The following INTS9 variants were observed in gnomAD, a reference collection of about 807,000 sequenced individuals.
INTS9 encodes integrator complex subunit 9.
Under a neutral mutation model 79.7 loss-of-function variants are expected in INTS9, and 55 were observed. That is an observed-to-expected ratio of 0.69 (90% confidence interval 0.56 to 0.86). The LOEUF (loss-of-function observed/expected upper bound fraction) is 0.86. Ranked by LOEUF, INTS9 falls within the 40% of genes least tolerant of loss-of-function variation. The pLI is 0.00. For synonymous variants in INTS9, 319 were observed against 325.2 expected, an observed-to-expected ratio of 0.98 and a Z score of 0.20; for missense variants, 721 against 831.5, an observed-to-expected ratio of 0.87 and a Z score of 1.64.
At chr8:28,795,975 A>C (rs1181023397) in intron 9 of INTS9, among the ~76,000 whole-genome samples, 1 of 152,220 alleles carries the variant, frequency 6.6e-6, no homozygotes, top group East Asian at 1.9e-4. Flanking sequence ...TTTCCTCAAA[A>C]GAAGAAAAAA....
chr8:28,837,483 C>G (rs1806870536), intron 5 of INTS9, among the ~76,000 whole-genome samples, 154 bp downstream of exon 5: 1 of 152,200 alleles, frequency 6.6e-6, no homozygotes, highest in South Asian at 2.1e-4. Context: ...AATGAACATT[C>G]CTCATCTAGA....
intron 4 of INTS9, among the ~76,000 whole-genome samples, chr8:28,844,559 G>A (rs569056190): frequency 6.6e-6 from 1 of 151,680 alleles, no homozygotes; most frequent in South Asian, 2.1e-4. Flanking sequence ...GGCGTGGTGG[G>A]TCACGCCTGT....
intron 6 of INTS9, among the ~76,000 whole-genome samples, chr8:28,823,959 A>C (rs1161196821): frequency 6.6e-6 from 1 of 152,226 alleles, no homozygotes; most frequent in Non-Finnish European, 1.5e-5. Context: ...CATTTTCATT[A>C]CCTTCTACAT....
At chr8:28,775,416 A>C (rs1205676803) in intron 14 of INTS9, among the ~76,000 whole-genome samples, 1 of 151,182 alleles carries the variant, frequency 6.6e-6, no homozygotes, top group Non-Finnish European at 1.5e-5. Flanking sequence ...GGCTCACTGC[A>C]ACCTCCACCT....
At chr8:28,876,177 G>A (rs748061871) in intron 1 of INTS9, among the ~76,000 whole-genome samples, 1 of 152,064 alleles carries the variant, frequency 6.6e-6, no homozygotes, top group Non-Finnish European at 1.5e-5. Context: ...ACTATTTCTG[G>A]CTGTTCTGTT....
intron 5 of INTS9, 56 bp from the exon 6 acceptor site, chr8:28,835,434 C>A: frequency 1.6e-6 from 2 of 1,255,084 alleles, no homozygotes; most frequent in Admixed American, 1.8e-5. Context: ...AGAAACACCC[C>A]ATACTCTAAC....
At chr8:28,849,937 T>C in intron 3 of INTS9, 1 of 309,172 alleles carries the variant, frequency 3.2e-6, no homozygotes, top group Non-Finnish European at 5.9e-6. Context: ...GAAATAATAG[T>C]TGTCTTTCTG....
chr8:28,782,635 G>A (rs1339574188), intron 11 of INTS9, among the ~76,000 whole-genome samples: 1 of 152,226 alleles, frequency 6.6e-6, no homozygotes, highest in Non-Finnish European at 1.5e-5. Flanking sequence ...TAAGAAATGG[G>A]CTAGGCACAA....
intron 16 of INTS9, among the ~76,000 whole-genome samples, chr8:28,769,428 T>A (rs1802396016): frequency 6.6e-6 from 1 of 152,172 alleles, no homozygotes; most frequent in Non-Finnish European, 1.5e-5. Flanking sequence ...ATCTCATCTC[T>A]GGGAGAAGCA....
intron 5 of INTS9, among the ~76,000 whole-genome samples, chr8:28,837,301 C>T (rs1204371579): frequency 6.6e-6 from 1 of 152,186 alleles, no homozygotes; most frequent in African/African-American, 2.4e-5. Flanking sequence ...AGATGCTACA[C>T]TCTTTCCCTC....
intron 6 of INTS9, among the ~76,000 whole-genome samples, chr8:28,832,416 C>A (rs1320626978): frequency 2.0e-5 from 3 of 152,216 alleles, no homozygotes; most frequent in African/African-American, 4.8e-5. Flanking sequence ...TCAAAAGATC[C>A]TTAAAACACA....
intron 2 of INTS9, among the ~76,000 whole-genome samples, chr8:28,858,738 A>G (rs982398573): frequency 5.9e-5 from 9 of 152,190 alleles, no homozygotes; most frequent in African/African-American, 2.2e-4. Flanking sequence ...AAGCTTACCC[A>G]GCTTACTATG....
At chr8:28,864,430 T>A (rs1383636712) in intron 1 of INTS9, among the ~76,000 whole-genome samples, 1 of 152,216 alleles carries the variant, frequency 6.6e-6, no homozygotes, top group Non-Finnish European at 1.5e-5. Flanking sequence ...AGAAATGAGA[T>A]ACAAGAAGGA....
chr8:28,860,957 A>G (rs556578221), intron 1 of INTS9, among the ~76,000 whole-genome samples: 118 of 152,346 alleles, frequency 7.7e-4, no homozygotes, highest in African/African-American at 2.7e-3. Flanking sequence ...ACAGGAACTG[A>G]TAATTTTTTG....
chr8:28,775,767 T>A lies in INTS9; in HGVS notation c.1555A>T (p.Met519Leu), dbSNP rs766078408. 1.9e-6 allele frequency: 3 copies of A among 1,613,958 alleles called. No homozygotes were observed. In the South Asian group the frequency reaches 3.3e-5, roughly 18 times the overall value. Residue 519 changes from methionine to leucine, a missense_variant, in exon 14 of 17, where the codon ATG (methionine) becomes TTG (leucine). By Grantham distance (15) the Met-to-Leu change is conservative (BLOSUM62 2). This residue lies in a region of INTS9 where 281 missense variants were observed against 300.8 expected (regional missense o/e 0.93). Coordinates refer to ENST00000521022, the MANE Select transcript of INTS9 (RefSeq NM_018250.4). ...FKRRYEKIEIMPELADSLVPM... is the reference protein window; with the variant it reads ...FKRRYEKIEILPELADSLVPM... ...GAAGGAGAACAGCTCACCTCTGGCA[T>A]GATCTCGATCTTCTCGTACCGACGT...
At chr8:28,845,798 C>T (rs1054989739) in intron 4 of INTS9, among the ~76,000 whole-genome samples, 1 of 152,214 alleles carries the variant, frequency 6.6e-6, no homozygotes, top group Admixed American at 6.5e-5. Context: ...CAAACTTTCT[C>T]CCTTATCTGA....
At chr8:28,834,956 CG>C (rs1250062091) in intron 6 of INTS9, among the ~76,000 whole-genome samples, 1 of 152,104 alleles carries the variant, frequency 6.6e-6, no homozygotes, top group Non-Finnish European at 1.5e-5. Context: ...GGATTACAGG[CG>C]TGAGTCACCG....
intron 8 of INTS9, among the ~76,000 whole-genome samples, chr8:28,807,933 A>C (rs1263111797): frequency 6.6e-6 from 1 of 152,232 alleles, no homozygotes; most frequent in Non-Finnish European, 1.5e-5. Flanking sequence ...CTTCTTTGCA[A>C]GATAATATCA....
chr8:28,879,345 A>G (rs561309627), intron 1 of INTS9, among the ~76,000 whole-genome samples: 1 of 152,090 alleles, frequency 6.6e-6, no homozygotes, highest in South Asian at 2.1e-4. Flanking sequence ...AGATGAAGGA[A>G]AAGCATCTTA....
Sources: gnomAD v4.1 joint callset for allele counts (sites outside exome capture counted in the v4.1 genomes callset) on GRCh38, gnomAD v4.1.1 for gene constraint, gnomAD v4.1.1 regional missense constraint, MANE v1.5 for transcripts, NCBI Gene and HGNC (gene_info 2026-07-23, HGNC 2026-07-21) for gene names.